PHF21A: variants seen among roughly 807,000 people sequenced by gnomAD.
PHF21A encodes BHC80a.
PHF21A carries 11 observed loss-of-function variants against 82.5 expected under a neutral mutation model. The ratio of observed to expected loss-of-function variants is 0.13; its 90% CI spans 0.08 to 0.22. The LOEUF (loss-of-function observed/expected upper bound fraction) is 0.22, where lower values mean the gene tolerates loss of function less well. PHF21A is among the 10% of genes least tolerant of loss of function. PHF21A has a pLI of 1.00. For synonymous variants in PHF21A, 297 were observed against 302.8 expected, an observed-to-expected ratio of 0.98 and a Z score of 0.20; for missense variants, 579 against 837.8, an observed-to-expected ratio of 0.69 and a Z score of 3.81.
rs1853136188 is a variant in PHF21A at position 46,120,989 on chromosome 11, CAGG to C, written c.-294_-292del. 1 of 153,528 alleles carries C rather than the reference CAGG, an allele frequency of 6.5e-6. No individual in the cohort carries two copies. The allele number at this position is 153,528 out of a possible 1,614,324, so 9.5% of individuals were successfully genotyped here. A position where few individuals can be genotyped will look rare whatever the true frequency, so the allele number is the denominator to read the frequency against. On this transcript the variant is annotated 5_prime_UTR_variant, in exon 1 of 19. Coordinates refer to ENST00000676320, the MANE Select transcript of PHF21A (RefSeq NM_001352027.3). The stretch of plus-strand genomic sequence containing the variant: ...GGCAGCTGGAGGCAGGAACTCTGAG[CAGG>C]AGAAGCAGGAGGAGGAGGAGGAGGG...
intron 6 of PHF21A, among the ~76,000 whole-genome samples, chr11:45,996,810 A>G (rs775649506): frequency 2.0e-5 from 3 of 152,262 alleles, no homozygotes; most frequent in Non-Finnish European, 4.4e-5. Context: ...TAAAGTTTCC[A>G]TCATAGCAGT....
At chr11:45,980,015 A>G in intron 6 of PHF21A, 49 bp from the exon 7 acceptor site, 1 of 1,611,432 alleles carries the variant, frequency 6.2e-7, no homozygotes, top group Non-Finnish European at 8.5e-7. Flanking sequence ...ATACTGCTCT[A>G]TCAGCTGCAC....
chr11:46,043,379 T>C (rs909933479), intron 6 of PHF21A, among the ~76,000 whole-genome samples: 31 of 152,316 alleles, frequency 2.0e-4, no homozygotes, highest in African/African-American at 7.5e-4. Flanking sequence ...ACCCACATCA[T>C]CACCTTTATC....
At chr11:46,042,595 A>G (rs758673710) in intron 6 of PHF21A, among the ~76,000 whole-genome samples, 2 of 152,158 alleles carry the variant, frequency 1.3e-5, no homozygotes, top group Non-Finnish European at 2.9e-5. Flanking sequence ...TGACTAGGAC[A>G]TGGTGCTAGA....
intron 1 of PHF21A, among the ~76,000 whole-genome samples, chr11:46,098,865 C>T (rs75685721): frequency 0.019 from 2,890 of 152,230 alleles, 77 homozygotes; most frequent in African/African-American, 0.053. Flanking sequence ...GGAGGATCAA[C>T]GCCCAGCACT....
At chr11:46,016,299 A>C (rs576988117) in intron 6 of PHF21A, among the ~76,000 whole-genome samples, 1 of 152,308 alleles carries the variant, frequency 6.6e-6, no homozygotes, top group Non-Finnish European at 1.5e-5. Context: ...TCATGACTCA[A>C]AATTTCCCAG....
At chr11:46,084,969 T>C (rs896891408) in intron 3 of PHF21A, among the ~76,000 whole-genome samples, 7 of 152,036 alleles carry the variant, frequency 4.6e-5, no homozygotes, top group African/African-American at 1.4e-4. Context: ...CGTGAGCCAC[T>C]GCGCTGAGCC....
chr11:46,038,936 C>A (rs2096069935), intron 6 of PHF21A, among the ~76,000 whole-genome samples: 1 of 152,138 alleles, frequency 6.6e-6, no homozygotes, highest in Admixed American at 6.5e-5. Context: ...ATTCAAACCA[C>A]AGCACTATCA....
At chr11:46,018,916 A>C (rs770224073) in intron 6 of PHF21A, among the ~76,000 whole-genome samples, 3 of 152,334 alleles carry the variant, frequency 2.0e-5, no homozygotes, top group Middle Eastern at 3.4e-3. Context: ...ATCCAATGCA[A>C]GACTTTTTAT....
chr11:46,041,288 G>C (rs559853460), intron 6 of PHF21A, among the ~76,000 whole-genome samples: 1 of 152,210 alleles, frequency 6.6e-6, no homozygotes, highest in Admixed American at 6.5e-5. Context: ...AAGTAAGGAG[G>C]GTGGAAAAGA....
intron 7 of PHF21A, among the ~76,000 whole-genome samples, chr11:45,973,878 G>A (rs1396938955): frequency 6.6e-6 from 1 of 152,178 alleles, no homozygotes; most frequent in East Asian, 1.9e-4. Context: ...AACGCATGTT[G>A]TTACTGCTTT....
intron 6 of PHF21A, among the ~76,000 whole-genome samples, chr11:46,069,417 A>G (rs1555167048): frequency 6.6e-6 from 1 of 152,246 alleles, no homozygotes; most frequent in Non-Finnish European, 1.5e-5. Flanking sequence ...TTCTAAGACA[A>G]TAATTTTAAA....
At chr11:45,971,088 C>G (rs1200621285) in intron 8 of PHF21A, 28 bp downstream of exon 8, 3 of 1,611,246 alleles carry the variant, frequency 1.9e-6, no homozygotes, top group Non-Finnish European at 2.5e-6. Flanking sequence ...CTCATGTGAT[C>G]ACACATGAGG....
At chr11:45,943,304 G>C (rs1390120372) in intron 15 of PHF21A, among the ~76,000 whole-genome samples, 1 of 151,880 alleles carries the variant, frequency 6.6e-6, no homozygotes. Context: ...TGTATATTTA[G>C]TAGAGACGGG....
At chr11:46,081,213 CA>C (rs1217719820) in intron 4 of PHF21A, among the ~76,000 whole-genome samples, 2 of 152,112 alleles carry the variant, frequency 1.3e-5, no homozygotes, top group African/African-American at 2.4e-5. Flanking sequence ...ATGGGACCTC[CA>C]AATACACAAG....
chr11:45,959,290 A>T (rs76999280), intron 10 of PHF21A, among the ~76,000 whole-genome samples: 4 of 152,254 alleles, frequency 2.6e-5, no homozygotes, highest in African/African-American at 9.6e-5. Context: ...TTCACTATGT[A>T]TATGTATATC....
At chr11:45,990,042 C>A (rs990680588) in intron 6 of PHF21A, among the ~76,000 whole-genome samples, 17 of 151,810 alleles carry the variant, frequency 1.1e-4, no homozygotes, top group African/African-American at 4.1e-4. Context: ...AAATCTTAAG[C>A]CTGAAGAAAA....
chr11:45,951,043 T>C (rs2092039762), intron 11 of PHF21A, among the ~76,000 whole-genome samples: 1 of 152,198 alleles, frequency 6.6e-6, no homozygotes, highest in South Asian at 2.1e-4. Context: ...GTCAAAATAC[T>C]GGGCCCTGAA....
intron 3 of PHF21A, among the ~76,000 whole-genome samples, chr11:46,085,160 C>T (rs192003721): frequency 6.6e-6 from 1 of 152,208 alleles, no homozygotes; most frequent in East Asian, 1.9e-4. Flanking sequence ...AATTAATACT[C>T]AAAACAGACA....
Sources: allele counts gnomAD v4.1 joint callset (sites outside exome capture counted in the v4.1 genomes callset), GRCh38; gene constraint gnomAD v4.1.1; transcripts MANE v1.5; gene names NCBI Gene and HGNC (gene_info 2026-07-23, HGNC 2026-07-21).